CREB3L1: variants seen among roughly 807,000 people sequenced by gnomAD.
CREB3L1 encodes cyclic AMP-responsive element-binding protein 3-like protein 1.
CREB3L1 carries 33 observed loss-of-function variants against 54.5 expected under a neutral mutation model. That is an observed-to-expected ratio of 0.61 (90% CI 0.46 to 0.81). CREB3L1 has a LOEUF of 0.81. Among genes scored for constraint, CREB3L1 ranks in the 30% least tolerant of loss-of-function variants. CREB3L1 has a pLI of 0.00. For missense variants in CREB3L1, 656 were observed against 673.3 expected (o/e 0.97, Z 0.29); for synonymous variants, 284 against 286.4 (o/e 0.99, Z 0.08).
chr11:46,282,584 A>T (rs1387233716), intron 1 of CREB3L1, among the ~76,000 whole-genome samples: 1 of 152,116 alleles, frequency 6.6e-6, no homozygotes, highest in African/African-American at 2.4e-5. Context: ...CTTTTCCCCC[A>T]GTCTGTCCAT....
At chr11:46,315,556 G>A (rs1384745634) in intron 8 of CREB3L1, 1 of 194,382 alleles carries the variant, frequency 5.1e-6, no homozygotes, top group Non-Finnish European at 1.1e-5. Context: ...AAATGGCTGG[G>A]CACGGTGGCC....
At chr11:46,283,394 C>CT (rs1416207199) in intron 1 of CREB3L1, among the ~76,000 whole-genome samples, 14 of 152,098 alleles carry the variant, frequency 9.2e-5, no homozygotes, top group African/African-American at 3.1e-4. Flanking sequence ...GAGGCAGTCA[C>CT]TTTTTTTTAC....
chr11:46,317,730 C>T lies in CREB3L1; in HGVS notation c.1258+243C>T, dbSNP rs975580789. On this transcript the variant is annotated intron_variant, in intron 10 of 11. Coordinates refer to ENST00000621158, the MANE Select transcript of CREB3L1 (RefSeq NM_052854.4). ...TGCCCAGCCTAGCTCCCAGAGAGCTCAGGAGTGGCTTGCAGGAGGTGGGTT... is the reference window on the plus strand; with the variant it reads ...TGCCCAGCCTAGCTCCCAGAGAGCTTAGGAGTGGCTTGCAGGAGGTGGGTT... Among the ~76,000 whole-genome samples the T allele has an allele frequency of 2.6e-5, 4 of 152,342 alleles. No homozygotes were observed. In the East Asian group the frequency reaches 5.8e-4, roughly 22 times the overall value.
intron 10 of CREB3L1, among the ~76,000 whole-genome samples, chr11:46,319,771 C>T (rs1939619136): frequency 6.6e-6 from 1 of 151,612 alleles, no homozygotes; most frequent in African/African-American, 2.4e-5. Context: ...CCCAGCTACT[C>T]GGGAGGCTGA....
chr11:46,305,428 T>C (rs1047234892), intron 2 of CREB3L1, among the ~76,000 whole-genome samples: 6 of 151,674 alleles, frequency 4.0e-5, no homozygotes, highest in Non-Finnish European at 5.9e-5. Context: ...ATCTGTTCCC[T>C]CCTCTCCATC....
chr11:46,320,835 G>A lies in CREB3L1; in HGVS notation c.*89G>A. The A allele has an allele frequency of 7.4e-7, 1 of 1,349,698 alleles. No homozygotes were observed. The highest frequency in any genetic ancestry group is 2.5e-5 in the East Asian group (1 of 40,274). 83.6% of individuals were successfully genotyped at this position (1,349,698 alleles called of 1,614,324 possible). On this transcript the variant is annotated 3_prime_UTR_variant, in exon 12 of 12. Transcript: ENST00000621158. Reference sequence around the variant, plus strand: ...TAACCCGGATCCGCCTCGTGCCCCTGCCTCCTGGAGCTTCCCATTCCAGGA... The same window carrying A: ...TAACCCGGATCCGCCTCGTGCCCCTACCTCCTGGAGCTTCCCATTCCAGGA...
At chr11:46,316,517 G>A (rs1163840075) in intron 9 of CREB3L1, 132 bp downstream of exon 9, 8 of 643,124 alleles carry the variant, frequency 1.2e-5, no homozygotes, top group East Asian at 2.8e-5. Context: ...CCATCCTGGC[G>A]CCTGGTGGGC....
At chr11:46,310,820 G>A in intron 4 of CREB3L1, 1 of 568,454 alleles carries the variant, frequency 1.8e-6, no homozygotes, top group Non-Finnish European at 2.8e-6. Context: ...TGTGGTGTCA[G>A]ATGAGGCAGC....
chr11:46,286,855 C>T (rs755788858), intron 1 of CREB3L1, among the ~76,000 whole-genome samples: 2 of 152,106 alleles, frequency 1.3e-5, no homozygotes, highest in Non-Finnish European at 2.9e-5. Context: ...AAAGAAAACA[C>T]ACTCGGTTCT....
intron 3 of CREB3L1, 101 bp downstream of exon 3, chr11:46,308,101 A>T: frequency 1.8e-6 from 2 of 1,128,068 alleles, no homozygotes; most frequent in South Asian, 3.3e-5. Context: ...CTCTGTGAAC[A>T]GGAAGACATG....
chr11:46,309,595 T>C (rs1173315049), intron 3 of CREB3L1, among the ~76,000 whole-genome samples: 1 of 152,224 alleles, frequency 6.6e-6, no homozygotes, highest in Non-Finnish European at 1.5e-5. Context: ...AGCCAATTAA[T>C]GCCTCCTTCT....
chr11:46,310,162 A>C (rs1939461984), intron 4 of CREB3L1, 95 bp downstream of exon 4: 2 of 857,878 alleles, frequency 2.3e-6, no homozygotes, highest in Non-Finnish European at 1.9e-6. Context: ...TCTCTTGACA[A>C]CCTTCCCCCA....
At chr11:46,290,225 T>C (rs1313469263) in intron 1 of CREB3L1, among the ~76,000 whole-genome samples, 3 of 152,162 alleles carry the variant, frequency 2.0e-5, no homozygotes, top group Non-Finnish European at 4.4e-5. Flanking sequence ...AGCTCCAGCC[T>C]GAACCATGTC....
chr11:46,308,063 G>A (rs1939428779), intron 3 of CREB3L1, 63 bp downstream of exon 3: 1 of 1,384,546 alleles, frequency 7.2e-7, no homozygotes, highest in African/African-American at 1.5e-5. Context: ...TCTGTGGGAA[G>A]AGGTGCCCAA....
chr11:46,309,001 T>C (rs1348666568), intron 3 of CREB3L1, among the ~76,000 whole-genome samples: 1 of 152,166 alleles, frequency 6.6e-6, no homozygotes, highest in Non-Finnish European at 1.5e-5. Flanking sequence ...ATCATGCAGT[T>C]AGAAGCAACT....
chr11:46,285,030 G>A (rs961938050), intron 1 of CREB3L1, among the ~76,000 whole-genome samples: 2 of 152,172 alleles, frequency 1.3e-5, no homozygotes, highest in Non-Finnish European at 2.9e-5. Flanking sequence ...CCCTTCTGGG[G>A]ACTTGGATCT....
intron 2 of CREB3L1, among the ~76,000 whole-genome samples, chr11:46,303,118 A>C (rs1207949602): frequency 7.2e-5 from 11 of 152,230 alleles, no homozygotes; most frequent in Non-Finnish European, 1.5e-5. Flanking sequence ...CACATTTGCC[A>C]GTCAAGAAGG....
Position 46,310,806 on chromosome 11 carries a change from C to G in CREB3L1, c.596-226C>G. On this transcript the variant is annotated intron_variant, in intron 4 of 11. Coordinates refer to ENST00000621158, the MANE Select transcript of CREB3L1 (RefSeq NM_052854.4). ...AGGGCGAGCTTGTAAAGGAGCTGGG[C>G]CTCTGTGGTGTCAGATGAGGCAGCA... The G allele has an allele frequency of 7.9e-6, 4 of 507,860 alleles. No homozygotes were observed. The South Asian group carries it at 1.6e-4, about 20-fold the overall frequency. 31.5% of individuals were successfully genotyped at this position (507,860 alleles called of 1,614,324 possible).
intron 2 of CREB3L1, among the ~76,000 whole-genome samples, chr11:46,302,039 G>T (rs996184707): frequency 2.0e-5 from 3 of 151,168 alleles, no homozygotes; most frequent in Non-Finnish European, 4.4e-5. Flanking sequence ...ATGGTGGCGG[G>T]TGCCTGTAGT....
Sources: allele counts gnomAD v4.1 joint callset (sites outside exome capture counted in the v4.1 genomes callset), GRCh38; gene constraint gnomAD v4.1.1; transcripts MANE v1.5; gene names NCBI Gene and HGNC (gene_info 2026-07-23, HGNC 2026-07-21).